The following FAM184A variants were observed in gnomAD, a reference collection of about 807,000 sequenced individuals.
The protein encoded by FAM184A is family with sequence similarity 184 member A, also known as protein FAM184A.
Under a neutral mutation model 143.8 loss-of-function variants are expected in FAM184A, and 99 were observed. The ratio of observed to expected loss-of-function variants is 0.69; its 90% CI spans 0.58 to 0.81. FAM184A has a LOEUF of 0.81. FAM184A is among the 40% of genes least tolerant of loss of function. FAM184A has a pLI of 0.00. For missense variants in FAM184A, 1,217 were observed against 1,310.5 expected, an observed-to-expected ratio of 0.93 and a Z score of 1.10; for synonymous variants, 427 against 446.4, an observed-to-expected ratio of 0.96 and a Z score of 0.55.
intron 1 of FAM184A, among the ~76,000 whole-genome samples, chr6:119,094,059 C>T (rs927421184): frequency 7.7e-6 from 1 of 129,420 alleles, no homozygotes; most frequent in African/African-American, 2.8e-5. Flanking sequence ...TTCCTTCTTT[C>T]CTTTCTTTTT....
At chr6:118,978,713 A>G (rs763427348) in intron 11 of FAM184A, among the ~76,000 whole-genome samples, 1 of 152,200 alleles carries the variant, frequency 6.6e-6, no homozygotes, top group Admixed American at 6.5e-5. Flanking sequence ...CTACTTGGAA[A>G]GAGTGTGCCA....
intron 1 of FAM184A, among the ~76,000 whole-genome samples, chr6:119,115,439 C>T (rs1789030608): frequency 6.6e-6 from 1 of 152,172 alleles, no homozygotes; most frequent in South Asian, 2.1e-4. Context: ...TGCCCGTAAA[C>T]CTGGCACTTT....
chr6:119,061,331 G>A (rs1247260847), intron 1 of FAM184A, among the ~76,000 whole-genome samples: 1 of 151,952 alleles, frequency 6.6e-6, no homozygotes. Flanking sequence ...ATATCCTGAG[G>A]AGAGAGCCAG....
intron 1 of FAM184A, among the ~76,000 whole-genome samples, chr6:119,033,485 G>A (rs983298737): frequency 3.3e-5 from 5 of 151,638 alleles, no homozygotes; most frequent in South Asian, 2.1e-4. Context: ...TCAACATGGT[G>A]AAACCCCGTC....
chr6:119,058,912 C>T (rs1787111985), intron 1 of FAM184A, among the ~76,000 whole-genome samples: 1 of 151,912 alleles, frequency 6.6e-6, no homozygotes, highest in Non-Finnish European at 1.5e-5. Flanking sequence ...TGAATTCCTA[C>T]CTCAATAATT....
At chr6:119,081,520 T>C (rs1289880013), upstream of FAM184A, among the ~76,000 whole-genome samples, 1 of 152,194 alleles carries the variant, frequency 6.6e-6, no homozygotes, top group Non-Finnish European at 1.5e-5. Context: ...TGTCTGTAGG[T>C]GGCTTGTGTT....
chr6:119,011,222 G>A, intron 6 of FAM184A, 87 bp downstream of exon 6: 1 of 1,150,048 alleles, frequency 8.7e-7, no homozygotes, highest in Admixed American at 2.5e-5. Flanking sequence ...TACCTTTACT[G>A]AGACTTACCT....
Position 119,016,397 on chromosome 6 carries a change from G to A in FAM184A, c.1530+350C>T, listed in dbSNP as rs527748041. 3.3e-5 allele frequency among the ~76,000 whole-genome samples: 5 copies of A among 152,196 alleles called. No homozygotes were observed. The East Asian group carries it at 5.8e-4, about 18-fold the overall frequency. On this transcript the variant is annotated intron_variant, in intron 5 of 17. Transcript: ENST00000338891. Reference sequence around the variant, plus strand: ...TTTTATGAGCTGTAACACTCACCACGAAGATCTGCAGCTTCACTCCTGAGC... The same window carrying A: ...TTTTATGAGCTGTAACACTCACCACAAAGATCTGCAGCTTCACTCCTGAGC...
At chr6:118,971,166 ACT>A (rs1169697445) in intron 14 of FAM184A, among the ~76,000 whole-genome samples, 8 of 152,140 alleles carry the variant, frequency 5.3e-5, no homozygotes, top group Admixed American at 4.6e-4. Context: ...TTACGCACAG[ACT>A]CTGATTTGTG....
At position 118,984,713 on chromosome 6, in the gene FAM184A, A is replaced by G. The variant is rs114193003; in HGVS notation, c.2089-4363T>C. On this transcript the variant is annotated intron_variant, in intron 9 of 17. Transcript: ENST00000338891. ...CCTTGTTACAAAAGTGAAAGAATAC[A>G]GAAAGTATACAAATGATGTGTTCTC... Among the ~76,000 whole-genome samples the G allele has an allele frequency of 1.5e-3, 228 of 152,346 alleles. 1 individual carries two copies. The highest frequency in any genetic ancestry group is 5.4e-3 in the African/African-American group (223 of 41,576).
At chr6:119,003,673 G>C in intron 7 of FAM184A, 51 bp from the exon 8 acceptor site, 1 of 1,520,650 alleles carries the variant, frequency 6.6e-7, no homozygotes, top group Non-Finnish European at 8.8e-7. Context: ...AACAAACACT[G>C]CTGGTTATTT....
intron 1 of FAM184A, among the ~76,000 whole-genome samples, chr6:119,069,899 T>G (rs1787618515): frequency 6.6e-6 from 1 of 152,160 alleles, no homozygotes; most frequent in African/African-American, 2.4e-5. Flanking sequence ...TATTGATAAT[T>G]TAAATATTAG....
chr6:119,139,569 C>A (rs1333752478), intron 1 of FAM184A, among the ~76,000 whole-genome samples: 1 of 149,178 alleles, frequency 6.7e-6, no homozygotes, highest in Non-Finnish European at 1.5e-5. Flanking sequence ...AGATATGGAA[C>A]TTATTTCCTC....
intron 5 of FAM184A, among the ~76,000 whole-genome samples, chr6:119,014,079 T>A (rs2797354): frequency 0.027 from 4,149 of 152,332 alleles, 211 homozygotes; most frequent in African/African-American, 0.094. Flanking sequence ...CCTGACTGAG[T>A]CTTACTAGTT....
rs1324922803 is a variant in FAM184A at position 119,096,397 on chromosome 6, G to A, written c.-202+52681C>T. Among the ~76,000 whole-genome samples, 5 of 31,628 alleles carry A rather than the reference G, an allele frequency of 1.6e-4. 2 individuals are homozygous for A. Among genetic ancestry groups the A allele is most frequent in the Non-Finnish European group, 3.3e-4 (5 of 15,168 alleles). 20.7% of individuals were successfully genotyped at this position (31,628 alleles called of 152,430 possible). ...CACGCCTGTAATCCCAGCACTTTGG[G>A]AGGCCGAGGCGGGTGGATCATGAGG... is the stretch of plus-strand genomic sequence containing the variant. On this transcript the variant is annotated intron_variant, in intron 1 of 16. Coordinates refer to the FAM184A transcript ENST00000352896.
chr6:119,021,992 T>C (rs1022486563), intron 3 of FAM184A, among the ~76,000 whole-genome samples: 3 of 147,774 alleles, frequency 2.0e-5, no homozygotes, highest in Non-Finnish European at 4.5e-5. Context: ...TAAAATAAAA[T>C]AAAATGTATA....
At chr6:119,129,684 G>T (rs116230390) in intron 1 of FAM184A, among the ~76,000 whole-genome samples, 2,463 of 149,426 alleles carry the variant, frequency 0.016, 65 homozygotes, top group African/African-American at 0.054. Flanking sequence ...GAATAGGGGG[G>T]TGTTTTTTGG....
intron 1 of FAM184A, among the ~76,000 whole-genome samples, chr6:119,037,366 A>G (rs1786153346): frequency 1.3e-5 from 2 of 152,220 alleles, no homozygotes; most frequent in Admixed American, 1.3e-4. Flanking sequence ...GGGCTTCACT[A>G]TGTTGCCCAG....
At chr6:118,991,008 C>G (rs1349817246) in intron 9 of FAM184A, among the ~76,000 whole-genome samples, 1 of 151,316 alleles carries the variant, frequency 6.6e-6, no homozygotes, top group East Asian at 1.9e-4. Context: ...GTATCTCACC[C>G]TGTATAAATT....
Sources: allele counts gnomAD v4.1 joint callset (sites outside exome capture counted in the v4.1 genomes callset), GRCh38; gene constraint gnomAD v4.1.1; transcripts MANE v1.5; gene names NCBI Gene and HGNC (gene_info 2026-07-23, HGNC 2026-07-21).